Variants in PARVA observed in about 807,000 individuals in gnomAD.
The protein encoded by PARVA is parvin alpha.
In PARVA, 25 loss-of-function variants were observed where a neutral mutation model predicts 52.6. The observed-to-expected ratio is 0.48, with a 90% CI of 0.35 to 0.66. PARVA has a LOEUF of 0.66. Among genes scored for constraint, PARVA ranks in the 30% least tolerant of loss-of-function variants. The probability of loss-of-function intolerance (pLI) is 0.01; values close to 1 mark genes in which losing one functional copy is unlikely to be tolerated. For synonymous variants in PARVA, 185 were observed against 179.1 expected, an observed-to-expected ratio of 1.03 and a Z score of -0.26; for missense variants, 373 against 450.9, an observed-to-expected ratio of 0.83 and a Z score of 1.56.
chr11:12,495,606 TA>T (rs1941288877), intron 4 of PARVA, among the ~76,000 whole-genome samples: 1 of 139,008 alleles, frequency 7.2e-6, no homozygotes, highest in Admixed American at 8.1e-5. Flanking sequence ...ACAAAATGAT[TA>T]GACTGAGTTT....
chr11:12,506,438 T>C (rs999710098), intron 6 of PARVA, among the ~76,000 whole-genome samples: 26 of 152,204 alleles, frequency 1.7e-4, no homozygotes, highest in Non-Finnish European at 1.5e-4. Flanking sequence ...ACTTTTCTTA[T>C]CAGCTAGAAT....
At chr11:12,447,359 C>T (rs1404664336) in intron 1 of PARVA, among the ~76,000 whole-genome samples, 1 of 152,178 alleles carries the variant, frequency 6.6e-6, no homozygotes, top group Admixed American at 6.5e-5. Flanking sequence ...TCATAAACAG[C>T]ACCCCATCAG....
At chr11:12,520,085 T>C (rs979743132) in intron 12 of PARVA, among the ~76,000 whole-genome samples, 1 of 152,248 alleles carries the variant, frequency 6.6e-6, no homozygotes, top group African/African-American at 2.4e-5. Context: ...TTCTTTCCCT[T>C]GGGACAGATA....
At chr11:12,410,024 C>G (rs1387976735) in intron 1 of PARVA, among the ~76,000 whole-genome samples, 2 of 152,152 alleles carry the variant, frequency 1.3e-5, no homozygotes, top group Non-Finnish European at 2.9e-5. Flanking sequence ...TTTCTGTAAA[C>G]TCTAGGAGTA....
chr11:12,405,083 T>G (rs1939883389), intron 1 of PARVA, among the ~76,000 whole-genome samples: 1 of 152,160 alleles, frequency 6.6e-6, no homozygotes, highest in South Asian at 2.1e-4. Context: ...AATAAAAGTC[T>G]CTGCCTGACC....
chr11:12,420,120 G>A (rs369758129), intron 1 of PARVA, among the ~76,000 whole-genome samples: 1 of 152,258 alleles, frequency 6.6e-6, no homozygotes, highest in African/African-American at 2.4e-5. Flanking sequence ...AAGGAAATCA[G>A]GCATTCATGG....
chr11:12,487,116 G>A (rs975088169), intron 4 of PARVA, among the ~76,000 whole-genome samples: 1 of 152,162 alleles, frequency 6.6e-6, no homozygotes, highest in African/African-American at 2.4e-5. Context: ...AGCTTGAAGA[G>A]GACCTAGAGA....
At chr11:12,413,636 T>C (rs1425167690) in intron 1 of PARVA, among the ~76,000 whole-genome samples, 1 of 152,256 alleles carries the variant, frequency 6.6e-6, no homozygotes, top group East Asian at 1.9e-4. Context: ...TTGACCCAGC[T>C]GCACATGATC....
At chr11:12,496,369 T>TGCATGCATGAGTGCAA in intron 4 of PARVA, 89 bp from the exon 5 acceptor site, 1 of 1,371,062 alleles carries the variant, frequency 7.3e-7, no homozygotes, top group Non-Finnish European at 1.0e-6. Context: ...CATGAGTGCA[T>TGCATGCATGAGTGCAA]GAGAGACCGA....
chr11:12,466,886 G>C (rs896396385), intron 1 of PARVA, among the ~76,000 whole-genome samples: 2 of 152,032 alleles, frequency 1.3e-5, no homozygotes, highest in Non-Finnish European at 2.9e-5. Flanking sequence ...TCGCCTTTTT[G>C]TGTAAACTTT....
intron 1 of PARVA, among the ~76,000 whole-genome samples, chr11:12,446,048 A>AGGTGTGT (rs1940542429): frequency 6.6e-6 from 1 of 152,058 alleles, no homozygotes; most frequent in African/African-American, 2.4e-5. Context: ...TTTAAAAAAA[A>AGGTGTGT]ATACACACCT....
intron 1 of PARVA, among the ~76,000 whole-genome samples, chr11:12,400,191 GA>G (rs1272174706): frequency 6.6e-6 from 1 of 152,210 alleles, no homozygotes; most frequent in Non-Finnish European, 1.5e-5. Context: ...CGTAGTCTAT[GA>G]GAGTGCCTAT....
chr11:12,508,070 C>A, intron 6 of PARVA, among the ~76,000 whole-genome samples: 1 of 127,052 alleles, frequency 7.9e-6, no homozygotes, highest in African/African-American at 2.9e-5. Context: ...GGACTTACTA[C>A]TTATTTAAAA....
rs1451189696 is a variant in PARVA, at chr11:12,390,302, T to C, written c.136+12519T>C. 2.6e-5 allele frequency among the ~76,000 whole-genome samples: 4 copies of C among 152,256 alleles called. No individual in the cohort carries two copies. In the East Asian group the frequency reaches 7.7e-4, roughly 29 times the overall value. ...ATGTGTTGAGAGCCCCTGGTGGGGA[T>C]GGGGAAGGAGAGAGGAATTCAGGAG... On this transcript the variant is annotated intron_variant, in intron 1 of 12. Transcript: ENST00000334956.
chr11:12,448,455 C>G (rs1274974470), intron 1 of PARVA, among the ~76,000 whole-genome samples: 1 of 152,180 alleles, frequency 6.6e-6, no homozygotes, highest in Non-Finnish European at 1.5e-5. Flanking sequence ...TTAGGACACC[C>G]AGGAGTTGTA....
At chr11:12,442,904 C>T (rs10831818) in intron 1 of PARVA, among the ~76,000 whole-genome samples, 74,140 of 149,622 alleles carry the variant, frequency 0.5, 19,808 homozygotes, top group South Asian at 0.71. Context: ...GCTCTGTCCC[C>T]CAGGCTGGAG....
In PARVA at chr11:12,437,415, G is replaced by A. The variant is rs80318105; in HGVS notation, c.137-36330G>A. Reference sequence around the variant, plus strand: ...TCCTATCACAAGTTAATTAGCCTTTGTGGTGCTATTGTGCCCTGGACGTAT... The same window carrying A: ...TCCTATCACAAGTTAATTAGCCTTTATGGTGCTATTGTGCCCTGGACGTAT... On this transcript the variant is annotated intron_variant, in intron 1 of 12. Transcript: ENST00000334956. Among the ~76,000 whole-genome samples the A allele has an allele frequency of 6.6e-3, 1,010 of 152,304 alleles. 2 individuals carry two copies. The highest frequency in any genetic ancestry group is 0.011 in the Non-Finnish European group (752 of 68,036).
intron 1 of PARVA, among the ~76,000 whole-genome samples, chr11:12,438,348 T>A (rs902373512): frequency 6.6e-6 from 1 of 151,884 alleles, no homozygotes; most frequent in Non-Finnish European, 1.5e-5. Flanking sequence ...AGGGGCTTCA[T>A]CTGGTGAGGA....
chr11:12,507,406 C>A (rs1273943155), intron 6 of PARVA, among the ~76,000 whole-genome samples: 2 of 152,160 alleles, frequency 1.3e-5, no homozygotes, highest in Non-Finnish European at 1.5e-5. Context: ...AGTCTTCCTG[C>A]ACCCCAACAT....
Sources: allele counts gnomAD v4.1 joint callset (sites outside exome capture counted in the v4.1 genomes callset), GRCh38; gene constraint gnomAD v4.1.1; transcripts MANE v1.5; gene names NCBI Gene and HGNC (gene_info 2026-07-23, HGNC 2026-07-21).